The following COBL variants were observed in gnomAD, a reference collection of about 807,000 sequenced individuals.
The protein encoded by COBL is cordon-bleu WH2 repeat protein.
A neutral mutation model predicts 98.8 loss-of-function variants in COBL; 51 were observed. The observed-to-expected ratio is 0.52, with a 90% CI of 0.41 to 0.65. The LOEUF (loss-of-function observed/expected upper bound fraction) is 0.65. Among genes scored for constraint, COBL ranks in the 30% least tolerant of loss-of-function variants. The probability of loss-of-function intolerance (pLI) is 0.00; values close to 1 mark genes in which losing one functional copy is unlikely to be tolerated. For synonymous variants in COBL, 634 were observed against 651.7 expected (o/e 0.97, Z 0.41); for missense variants, 1,617 against 1,617.5 (o/e 1.00, Z 0.01).
intron 5 of COBL, among the ~76,000 whole-genome samples, chr7:51,170,841 T>C (rs1787805036): frequency 1.3e-5 from 2 of 152,012 alleles, no homozygotes; most frequent in African/African-American, 2.4e-5. Flanking sequence ...TGGTATTCTA[T>C]CATACAGTTG....
chr7:51,017,589 C>T, intron 12 of COBL, 21 bp from the exon 13 acceptor site: 1 of 1,613,700 alleles, frequency 6.2e-7, no homozygotes, highest in South Asian at 1.1e-5. Context: ...GAGAGATTCA[C>T]AGTTATTTGG....
intron 1 of COBL, among the ~76,000 whole-genome samples, chr7:51,280,638 T>C (rs958332650): frequency 1.3e-5 from 2 of 152,134 alleles, no homozygotes; most frequent in Non-Finnish European, 2.9e-5. Flanking sequence ...TCTAGGGAAG[T>C]AGAAAGCACT....
chr7:51,284,782 G>A (rs537555121), intron 1 of COBL, among the ~76,000 whole-genome samples: 8 of 149,330 alleles, frequency 5.4e-5, no homozygotes, highest in South Asian at 4.3e-4. Flanking sequence ...AGCCAAGATC[G>A]TACCACTGCA....
intron 1 of COBL, among the ~76,000 whole-genome samples, chr7:51,240,937 T>A (rs1468153732): frequency 6.6e-6 from 1 of 152,234 alleles, no homozygotes; most frequent in Non-Finnish European, 1.5e-5. Context: ...CAACAGTTCC[T>A]AGCCTAGCAA....
intron 1 of COBL, among the ~76,000 whole-genome samples, chr7:51,268,204 A>G (rs1798408125): frequency 6.6e-6 from 1 of 152,228 alleles, no homozygotes; most frequent in Non-Finnish European, 1.5e-5. Flanking sequence ...CAAATATGTA[A>G]CAAGGAATTT....
At chr7:51,059,366 T>C (rs1286486159) in intron 7 of COBL, among the ~76,000 whole-genome samples, 4 of 152,226 alleles carry the variant, frequency 2.6e-5, no homozygotes, top group African/African-American at 9.6e-5. Context: ...TTGTTCTGCA[T>C]AAAGCTGCGG....
intron 2 of COBL, among the ~76,000 whole-genome samples, chr7:51,209,878 A>G (rs1236493079): frequency 6.6e-6 from 1 of 152,186 alleles, no homozygotes; most frequent in Admixed American, 6.5e-5. Flanking sequence ...CACGAATGCA[A>G]CTACTGTGAT....
At chr7:51,233,172 T>C (rs1794923454) in intron 1 of COBL, among the ~76,000 whole-genome samples, 1 of 152,204 alleles carries the variant, frequency 6.6e-6, no homozygotes, top group Admixed American at 6.5e-5. Context: ...CATCTAATTA[T>C]GTATAGTGAC....
intron 1 of COBL, among the ~76,000 whole-genome samples, chr7:51,312,090 A>G (rs2129220521): frequency 6.6e-6 from 1 of 152,212 alleles, no homozygotes; most frequent in Admixed American, 6.5e-5. Flanking sequence ...TTGGGAGGCC[A>G]AGGCGGGCGG....
At chr7:51,093,669 T>G (rs1399047594) in intron 6 of COBL, among the ~76,000 whole-genome samples, 3 of 152,106 alleles carry the variant, frequency 2.0e-5, no homozygotes, top group African/African-American at 7.2e-5. Flanking sequence ...AGCAGGGAGA[T>G]CTCTTGAAGC....
chr7:51,296,568 A>T (rs1801435083), intron 1 of COBL, among the ~76,000 whole-genome samples: 1 of 152,290 alleles, frequency 6.6e-6, no homozygotes, highest in South Asian at 2.1e-4. Flanking sequence ...ACAACTTAAG[A>T]TAACTTTTTT....
At position 51,017,184 on chromosome 7, in the gene COBL, C is replaced by G. The variant is rs891964651; in HGVS notation, c.*367G>C. 4.1e-6 allele frequency: 2 copies of G among 484,354 alleles called. No homozygotes were observed. Among genetic ancestry groups the G allele is most frequent in the African/African-American group, 2.0e-5 (1 of 51,004 alleles). 30.0% of individuals were successfully genotyped at this position (484,354 alleles called of 1,614,324 possible). On this transcript the variant is annotated 3_prime_UTR_variant, in exon 13 of 13. Transcript: ENST00000265136. ...TCATCCATCTGTATGTGGTAAAAGTCTCAAAGGTCCAAAATCAGTCTAAGG... is the reference window on the plus strand; with the variant it reads ...TCATCCATCTGTATGTGGTAAAAGTGTCAAAGGTCCAAAATCAGTCTAAGG...
chr7:51,125,406 T>C (rs1017633248), intron 6 of COBL, among the ~76,000 whole-genome samples: 1 of 152,138 alleles, frequency 6.6e-6, no homozygotes, highest in Non-Finnish European at 1.5e-5. Flanking sequence ...CTGTGAGAAA[T>C]AAATTTCTGT....
chr7:51,133,971 T>C (rs1455857177), intron 6 of COBL, among the ~76,000 whole-genome samples: 12 of 152,216 alleles, frequency 7.9e-5, no homozygotes, highest in African/African-American at 2.9e-4. Context: ...TTTTAAAATA[T>C]ACAAATGTAG....
Position 51,206,571 on chromosome 7 carries a change from C to T in COBL, c.246-12982G>A, listed in dbSNP as rs143230619. Among the ~76,000 whole-genome samples the T allele has an allele frequency of 1.3e-4, 20 of 151,864 alleles. 1 individual carries two copies. The highest frequency in any genetic ancestry group is 2.9e-4 in the African/African-American group (12 of 41,404). ...CTCCCATATCTATTGCAGCGCTATT[C>T]GCAGTATCTATTGCAGCAGTATTCA... On this transcript the variant is annotated intron_variant, in intron 2 of 12. Transcript: ENST00000265136.
chr7:51,310,295 G>A (rs1190331737), intron 1 of COBL, among the ~76,000 whole-genome samples: 1 of 152,200 alleles, frequency 6.6e-6, no homozygotes, highest in African/African-American at 2.4e-5. Flanking sequence ...CCATCAGGAT[G>A]GGCCTGCAGG....
chr7:51,309,983 C>G (rs1215417277), intron 1 of COBL, among the ~76,000 whole-genome samples: 3 of 152,204 alleles, frequency 2.0e-5, no homozygotes, highest in African/African-American at 7.2e-5. Flanking sequence ...GGCAAGAAAG[C>G]TCTCCAGGCC....
At chr7:51,256,904 G>A (rs1797247572) in intron 1 of COBL, among the ~76,000 whole-genome samples, 1 of 152,146 alleles carries the variant, frequency 6.6e-6, no homozygotes, top group Non-Finnish European at 1.5e-5. Flanking sequence ...TATAGCACCA[G>A]AGCAGAGCTA....
rs548794319 is a variant in COBL, at chr7:51,109,837, C to T, written c.958-24533G>A. ...TTAGTAGTGCCACCTTCCACAGAAA[C>T]GAAAGGCAGCCACATGTTTCCGTGG... On this transcript the variant is annotated intron_variant, in intron 6 of 12. Transcript: ENST00000265136. 3.9e-5 allele frequency among the ~76,000 whole-genome samples: 6 copies of T among 152,222 alleles called. No homozygotes were observed. The South Asian group carries it at 6.2e-4, about 16-fold the overall frequency.
Sources: allele counts gnomAD v4.1 joint callset (sites outside exome capture counted in the v4.1 genomes callset), GRCh38; gene constraint gnomAD v4.1.1; transcripts MANE v1.5; gene names NCBI Gene and HGNC (gene_info 2026-07-23, HGNC 2026-07-21).